Variants in FHIT observed in about 807,000 individuals in gnomAD.
The protein encoded by FHIT is fragile histidine triad diadenosine triphosphatase, also known as bis(5'-adenosyl)-triphosphatase.
In FHIT, 19 loss-of-function variants were observed where a neutral mutation model predicts 17.9. The observed-to-expected ratio is 1.06, with a 90% CI of 0.74 to 1.56. The LOEUF is 1.56. Among genes scored for constraint, FHIT ranks in the 40% most tolerant of loss-of-function variants. The pLI is 0.00. For synonymous variants in FHIT, 81 were observed against 69.7 expected, an observed-to-expected ratio of 1.16 and a Z score of -0.81; for missense variants, 248 against 189.2, an observed-to-expected ratio of 1.31 and a Z score of -1.82.
chr3:60,424,751 A>G (rs1200482743), intron 5 of FHIT, among the ~76,000 whole-genome samples: 3 of 152,172 alleles, frequency 2.0e-5, no homozygotes, highest in African/African-American at 4.8e-5. Flanking sequence ...AGAACATAGA[A>G]GAGCAACTTT....
chr3:60,038,023 C>A (rs1575948569), intron 5 of FHIT, among the ~76,000 whole-genome samples: 1 of 152,088 alleles, frequency 6.6e-6, no homozygotes, highest in Non-Finnish European at 1.5e-5. Flanking sequence ...CTCAGAGCTA[C>A]TTCTATACTG....
At chr3:60,135,084 A>C (rs1238189728) in intron 5 of FHIT, among the ~76,000 whole-genome samples, 1 of 152,152 alleles carries the variant, frequency 6.6e-6, no homozygotes, top group African/African-American at 2.4e-5. Flanking sequence ...AAAAGGGCAA[A>C]GTCAGAGGAC....
At chr3:60,779,656 TAAG>T (rs1425209896) in intron 4 of FHIT, among the ~76,000 whole-genome samples, 1 of 152,068 alleles carries the variant, frequency 6.6e-6, no homozygotes, top group African/African-American at 2.4e-5. Context: ...TGTCTTATGA[TAAG>T]GAGGCCATGC....
At chr3:60,260,453 T>G (rs1006775773) in intron 5 of FHIT, among the ~76,000 whole-genome samples, 1 of 151,994 alleles carries the variant, frequency 6.6e-6, no homozygotes, top group African/African-American at 2.4e-5. Flanking sequence ...ACTTGGCGTA[T>G]TCACTATTGT....
chr3:60,772,018 A>T (rs1235635389), intron 4 of FHIT, among the ~76,000 whole-genome samples: 3 of 152,178 alleles, frequency 2.0e-5, no homozygotes, highest in Non-Finnish European at 4.4e-5. Context: ...CAGGTTCTTA[A>T]AAGTGTTGGA....
chr3:60,110,486 T>A (rs949927017), intron 5 of FHIT, among the ~76,000 whole-genome samples: 1 of 152,150 alleles, frequency 6.6e-6, no homozygotes, highest in African/African-American at 2.4e-5. Context: ...GATCACCAAA[T>A]AGACACCAGT....
At chr3:59,781,743 A>AT (rs946535630) in intron 8 of FHIT, among the ~76,000 whole-genome samples, 3 of 152,150 alleles carry the variant, frequency 2.0e-5, no homozygotes, top group African/African-American at 4.8e-5. Flanking sequence ...AAACCACGAC[A>AT]TTTTTTTATC....
At chr3:60,065,037 C>A (rs542842310) in intron 5 of FHIT, among the ~76,000 whole-genome samples, 1 of 152,192 alleles carries the variant, frequency 6.6e-6, no homozygotes, top group African/African-American at 2.4e-5. Context: ...TCACTGTATT[C>A]ATTCCTGATT....
chr3:60,825,281 A>G (rs1553740598), intron 3 of FHIT, among the ~76,000 whole-genome samples: 1 of 152,196 alleles, frequency 6.6e-6, no homozygotes, highest in African/African-American at 2.4e-5. Flanking sequence ...ATGACCTAAA[A>G]GTCACCCTTA....
intron 5 of FHIT, among the ~76,000 whole-genome samples, chr3:60,488,907 A>G (rs924269691): frequency 3.3e-5 from 5 of 152,172 alleles, no homozygotes; most frequent in Non-Finnish European, 5.9e-5. Context: ...AATAATTTCA[A>G]TGACTGCAAA....
chr3:60,698,233 C>CT (rs11426035), intron 4 of FHIT, among the ~76,000 whole-genome samples: 14,862 of 151,104 alleles, frequency 0.098, 1,480 homozygotes, highest in African/African-American at 0.26. Context: ...TGGAGTGTGG[C>CT]TTTTTTTTTC....
At chr3:60,416,421 CAA>C (rs1702250910) in intron 5 of FHIT, among the ~76,000 whole-genome samples, 1 of 152,124 alleles carries the variant, frequency 6.6e-6, no homozygotes, top group Non-Finnish European at 1.5e-5. Flanking sequence ...TGTAAAGGGA[CAA>C]AGAGTAAATA....
chr3:60,553,018 C>G (rs1004612602), intron 4 of FHIT, among the ~76,000 whole-genome samples: 2 of 152,140 alleles, frequency 1.3e-5, no homozygotes, highest in Non-Finnish European at 2.9e-5. Context: ...GAGGGAATGG[C>G]GCCCTGTCCA....
Position 59,976,047 on chromosome 3 carries a change from G to C in FHIT, c.279+35324C>G, listed in dbSNP as rs531235690. ...CACAACTCAATCACTTATAAGCTTA[G>C]TGACCTTGGACTGACCCTTAATTTC... On this transcript the variant is annotated intron_variant, in intron 7 of 9. Transcript: ENST00000492590. 7.4e-4 allele frequency among the ~76,000 whole-genome samples: 113 copies of C among 152,170 alleles called. 1 individual carries two copies. In the South Asian group the frequency reaches 0.022, roughly 30 times the overall value.
At chr3:61,209,482 A>G (rs1259858396) in intron 1 of FHIT, among the ~76,000 whole-genome samples, 5 of 152,002 alleles carry the variant, frequency 3.3e-5, no homozygotes, top group Non-Finnish European at 7.4e-5. Flanking sequence ...GTCTTTTCAC[A>G]TAGTCCCATA....
chr3:60,744,792 C>G (rs17063899), intron 4 of FHIT, among the ~76,000 whole-genome samples: 1 of 152,122 alleles, frequency 6.6e-6, no homozygotes, highest in Non-Finnish European at 1.5e-5. Flanking sequence ...ATAAATCCCT[C>G]AATGACAAGG....
At chr3:60,916,321 G>C (rs1706998695) in intron 3 of FHIT, among the ~76,000 whole-genome samples, 1 of 152,140 alleles carries the variant, frequency 6.6e-6, no homozygotes, top group Non-Finnish European at 1.5e-5. Context: ...ATTCTATTTT[G>C]ATAGTTAGAG....
At chr3:61,243,885 A>G (rs2040428004) in intron 1 of FHIT, 1 of 152,186 alleles carries the variant, frequency 6.6e-6, no homozygotes. Flanking sequence ...TGCAAAATTT[A>G]TAGTTAGTTC....
chr3:61,226,671 C>T (rs759702186), intron 1 of FHIT, among the ~76,000 whole-genome samples: 3 of 152,068 alleles, frequency 2.0e-5, no homozygotes, highest in Admixed American at 6.6e-5. Flanking sequence ...GTACTCAAAA[C>T]ACAGACAGAG....
Sources: allele counts gnomAD v4.1 joint callset (sites outside exome capture counted in the v4.1 genomes callset), GRCh38; gene constraint gnomAD v4.1.1; transcripts MANE v1.5; gene names NCBI Gene and HGNC (gene_info 2026-07-23, HGNC 2026-07-21).